CRADD: variants seen among roughly 807,000 people sequenced by gnomAD.
CRADD encodes the protein CARD and death domain containing adaptor protein, also known as death domain-containing protein CRADD.
A neutral mutation model predicts 15.5 loss-of-function variants in CRADD; 9 were observed. That is an observed-to-expected ratio of 0.58 (90% CI 0.35 to 1.01). The LOEUF is 1.01. Ranked by LOEUF, CRADD falls within the 50% of genes least tolerant of loss-of-function variation. CRADD has a pLI of 0.02. For missense variants in CRADD, 227 were observed against 250.3 expected, an observed-to-expected ratio of 0.91 and a Z score of 0.63; for synonymous variants, 118 against 107.6, an observed-to-expected ratio of 1.10 and a Z score of -0.60.
intron 2 of CRADD, among the ~76,000 whole-genome samples, chr12:93,697,645 A>G (rs1955743025): frequency 6.6e-6 from 1 of 152,202 alleles, no homozygotes; most frequent in Admixed American, 6.5e-5. Context: ...TTTATAATAA[A>G]TGAATCATCT....
chr12:93,881,440 G>GT (rs1491519676), intron 2 of CRADD, among the ~76,000 whole-genome samples: 141 of 69,442 alleles, frequency 2.0e-3, no homozygotes, highest in African/African-American at 7.1e-3. Flanking sequence ...AAAAAAGTGT[G>GT]GGGGGGGGGT....
chr12:93,684,162 G>A (rs761022878), intron 2 of CRADD, among the ~76,000 whole-genome samples: 9 of 152,158 alleles, frequency 5.9e-5, no homozygotes, highest in East Asian at 1.9e-4. Context: ...GCATTCATGC[G>A]TTCATCCAGC....
chr12:93,711,143 C>T (rs1956065735), intron 2 of CRADD, among the ~76,000 whole-genome samples: 1 of 148,720 alleles, frequency 6.7e-6, no homozygotes, highest in Admixed American at 6.8e-5. Flanking sequence ...AATCAAAAGC[C>T]AAAGGAATCT....
chr12:93,845,578 A>ATATATATATT (rs11474114), intron 2 of CRADD, among the ~76,000 whole-genome samples: 1 of 77,292 alleles, frequency 1.3e-5, no homozygotes, highest in African/African-American at 3.5e-5. Context: ...ATATATATAT[A>ATATATATATT]TTTTTAATAA....
chr12:93,776,430 G>A (rs1187987610), intron 2 of CRADD, among the ~76,000 whole-genome samples: 1 of 152,086 alleles, frequency 6.6e-6, no homozygotes, highest in African/African-American at 2.4e-5. Context: ...TAGATATTGG[G>A]GAATTGTCCT....
At chr12:93,845,864 C>T (rs1593040078) in intron 2 of CRADD, among the ~76,000 whole-genome samples, 1 of 152,288 alleles carries the variant, frequency 6.6e-6, no homozygotes, top group Non-Finnish European at 1.5e-5. Context: ...AGTACCTTCA[C>T]ATTGTTTTAT....
intron 2 of CRADD, among the ~76,000 whole-genome samples, chr12:93,858,214 C>T (rs984515205): frequency 1.3e-5 from 2 of 152,190 alleles, no homozygotes; most frequent in Non-Finnish European, 2.9e-5. Flanking sequence ...AGACAAAATA[C>T]ACCAGTAAAT....
exon 3 of CRADD, chr12:93,894,145 C>T (rs1958596121): frequency 2.8e-6 from 2 of 702,278 alleles, no homozygotes; most frequent in Non-Finnish European, 5.2e-6. Flanking sequence ...TCTGCCATCA[C>T]CCCAGACCCT....
chr12:93,829,772 A>G (rs906310856), intron 2 of CRADD, among the ~76,000 whole-genome samples: 1 of 152,004 alleles, frequency 6.6e-6, no homozygotes, highest in African/African-American at 2.4e-5. Flanking sequence ...GGCTCACTGC[A>G]ATGTCTGCCT....
intron 2 of CRADD, among the ~76,000 whole-genome samples, chr12:93,749,123 A>G (rs532659834): frequency 7.9e-5 from 12 of 152,292 alleles, no homozygotes; most frequent in African/African-American, 2.6e-4. Context: ...TGAGGGAACT[A>G]TGTTGGAGAA....
intron 2 of CRADD, among the ~76,000 whole-genome samples, chr12:93,746,694 C>A (rs1956756478): frequency 6.6e-6 from 1 of 152,088 alleles, no homozygotes; most frequent in African/African-American, 2.4e-5. Context: ...TTGCGATGAA[C>A]CCAAGGTTCA....
chr12:93,701,081 A>G (rs1015202466), intron 2 of CRADD, among the ~76,000 whole-genome samples: 2 of 152,070 alleles, frequency 1.3e-5, no homozygotes, highest in African/African-American at 4.8e-5. Context: ...AATTTTCCTC[A>G]TTGTCTACAA....
chr12:93,777,778 C>T (rs1175474597), intron 2 of CRADD, among the ~76,000 whole-genome samples: 2 of 152,210 alleles, frequency 1.3e-5, no homozygotes, highest in Non-Finnish European at 2.9e-5. Flanking sequence ...GAAATCAACA[C>T]ACTTTTTCAC....
chr12:93,791,251 A>G (rs1957345989), intron 2 of CRADD, among the ~76,000 whole-genome samples: 1 of 152,176 alleles, frequency 6.6e-6, no homozygotes. Flanking sequence ...CATAATAGCC[A>G]AGATAGAGAA....
chr12:93,795,295 C>T (rs371703860), intron 2 of CRADD, among the ~76,000 whole-genome samples: 2 of 152,170 alleles, frequency 1.3e-5, no homozygotes, highest in Non-Finnish European at 1.5e-5. Context: ...TTTTATCCCA[C>T]GCTTCTTCCC....
chr12:93,882,863 G>A lies in CRADD; in HGVS notation c.299-11187G>A, dbSNP rs964343984. Among the ~76,000 whole-genome samples, 7 of 152,244 alleles carry A rather than the reference G, an allele frequency of 4.6e-5. No homozygotes were observed. The East Asian group carries it at 1.2e-3, about 25-fold the overall frequency. On this transcript the variant is annotated intron_variant, in intron 2 of 2. Coordinates refer to the CRADD transcript ENST00000548483. The stretch of plus-strand genomic sequence containing the variant: ...TTAGGAGCCACTAAAGATGGAACTG[G>A]CCTTTGTGGTTTCCTTTCCATTCTC...
At chr12:93,748,540 C>T (rs563606840) in intron 2 of CRADD, among the ~76,000 whole-genome samples, 76 of 152,294 alleles carry the variant, frequency 5.0e-4, no homozygotes, top group African/African-American at 1.7e-3. Flanking sequence ...CTCCCAACCT[C>T]GGATGATCCT....
At chr12:93,712,530 C>A (rs1369526075) in intron 2 of CRADD, among the ~76,000 whole-genome samples, 1 of 152,062 alleles carries the variant, frequency 6.6e-6, no homozygotes, top group Non-Finnish European at 1.5e-5. Flanking sequence ...TTAAAGCTTG[C>A]GAAAGTTGAA....
chr12:93,762,238 G>A (rs1196395852), intron 2 of CRADD, among the ~76,000 whole-genome samples: 1 of 152,270 alleles, frequency 6.6e-6, no homozygotes, highest in Admixed American at 6.5e-5. Flanking sequence ...TACTCTGGGG[G>A]TTACATCAGG....
Sources: gnomAD v4.1 joint callset for allele counts (sites outside exome capture counted in the v4.1 genomes callset) on GRCh38, gnomAD v4.1.1 for gene constraint, MANE v1.5 for transcripts, NCBI Gene and HGNC (gene_info 2026-07-23, HGNC 2026-07-21) for gene names.